The following PSMD11 variants were observed in gnomAD, a reference collection of about 807,000 sequenced individuals.
PSMD11 encodes proteasome 26S subunit, non-ATPase 11.
Under a neutral mutation model 62.3 loss-of-function variants are expected in PSMD11, and 5 were observed. That is an observed-to-expected ratio of 0.08 (90% CI 0.04 to 0.17). PSMD11 has a LOEUF of 0.17. PSMD11 is among the 10% of genes least tolerant of loss of function. The probability of loss-of-function intolerance (pLI) is 1.00; values close to 1 mark genes in which losing one functional copy is unlikely to be tolerated. For missense variants in PSMD11, 310 were observed against 512.9 expected (o/e 0.60, Z 3.82); for synonymous variants, 191 against 191.8 (o/e 1.00, Z 0.03).
intron 3 of PSMD11, among the ~76,000 whole-genome samples, chr17:32,457,462 C>G (rs1597833541): frequency 6.6e-6 from 1 of 152,090 alleles, no homozygotes; most frequent in African/African-American, 2.4e-5. Context: ...GTCTTAAACT[C>G]CTAGTCTCAA....
intron 7 of PSMD11, 89 bp from the exon 8 acceptor site, chr17:32,474,675 A>G (rs1043894489): frequency 1.2e-5 from 15 of 1,281,446 alleles, no homozygotes; most frequent in Middle Eastern, 1.8e-4. Context: ...CTTTATTACA[A>G]TGGAATTCTG....
intron 8 of PSMD11, chr17:32,476,918 C>A (rs1220875966): frequency 6.6e-6 from 1 of 152,278 alleles, no homozygotes; most frequent in Non-Finnish European, 1.5e-5. Context: ...GCGTCCACCA[C>A]TATGCCCGGC....
chr17:32,473,772 G>C, intron 6 of PSMD11, 29 bp from the exon 7 acceptor site: 1 of 1,610,030 alleles, frequency 6.2e-7, no homozygotes, highest in Non-Finnish European at 8.5e-7. Context: ...TATTTTATAT[G>C]TTCTTATTCC....
At chr17:32,480,279 A>G (rs575076795) in intron 12 of PSMD11, 82 bp downstream of exon 12, 52 of 1,554,114 alleles carry the variant, frequency 3.3e-5, no homozygotes, top group Middle Eastern at 3.4e-4. Flanking sequence ...AAGATGTTCT[A>G]TTTGTTTCCC....
In PSMD11 at chr17:32,482,773, T is replaced by G. The variant is rs890175086; in HGVS notation, c.*2021T>G. 2.0e-5 allele frequency: 3 copies of G among 152,310 alleles called. No individual in the cohort carries two copies. Among genetic ancestry groups the G allele is most frequent in the Admixed American group, 1.3e-4 (2 of 15,296 alleles). The allele number at this position is 152,310 out of a possible 1,614,324, so 9.4% of individuals were successfully genotyped here. A position where few individuals can be genotyped will look rare whatever the true frequency, so the allele number is the denominator to read the frequency against. Reference sequence around the variant, plus strand: ...CCTGACATGCAGTTGTGGTTTCGTTTCCTTTTGGAATCTTCAAAGGCAGCG... The same window carrying G: ...CCTGACATGCAGTTGTGGTTTCGTTGCCTTTTGGAATCTTCAAAGGCAGCG... On this transcript the variant is annotated 3_prime_UTR_variant, in exon 14 of 14. Transcript: ENST00000261712.
chr17:32,450,255 C>A (rs1001857578), intron 2 of PSMD11, among the ~76,000 whole-genome samples: 126 of 151,186 alleles, frequency 8.3e-4, no homozygotes, highest in African/African-American at 2.9e-3. Flanking sequence ...GCCACTGTGC[C>A]TGGCCTTTTT....
intron 2 of PSMD11, among the ~76,000 whole-genome samples, chr17:32,448,844 G>A (rs1404106080): frequency 2.6e-5 from 4 of 152,190 alleles, no homozygotes; most frequent in Non-Finnish European, 4.4e-5. Flanking sequence ...TTGAGCTCAT[G>A]TAGTCTTACT....
intron 8 of PSMD11, among the ~76,000 whole-genome samples, chr17:32,476,144 T>C (rs1908315152): frequency 1.3e-5 from 2 of 152,062 alleles, no homozygotes; most frequent in African/African-American, 2.4e-5. Flanking sequence ...CATTGGTGGC[T>C]GTAATCCCAG....
intron 8 of PSMD11, 83 bp from the exon 9 acceptor site, chr17:32,477,438 G>GACAC (rs1217812947): frequency 2.6e-6 from 3 of 1,172,884 alleles, no homozygotes; most frequent in Admixed American, 2.6e-5. Flanking sequence ...AAGTTGTGTG[G>GACAC]ACACAGCATA....
At chr17:32,479,165 G>A in intron 9 of PSMD11, 86 bp from the exon 10 acceptor site, 1 of 1,509,724 alleles carries the variant, frequency 6.6e-7, no homozygotes, top group Admixed American at 2.0e-5. Flanking sequence ...AGTTTTATAA[G>A]GGCCAGCAGA....
chr17:32,444,678 C>T (rs1380515758), intron 1 of PSMD11, 64 bp downstream of exon 1: 4 of 1,588,006 alleles, frequency 2.5e-6, no homozygotes, highest in Non-Finnish European at 3.4e-6. Flanking sequence ...CGGTCGGCGG[C>T]AGCGGAGAGG....
rs533769856 is a variant in PSMD11, at chr17:32,447,249, A to G, written c.193+203A>G. ...TAGTTTAGTTTTGCAAATGAGAGAC[A>G]ATCTTATTTTTGTTGGGATATAGTG... On this transcript the variant is annotated intron_variant, in intron 2 of 13. Coordinates refer to ENST00000261712, the MANE Select transcript of PSMD11 (RefSeq NM_002815.4). 2.7e-3 allele frequency: 1,334 copies of G among 491,502 alleles called. 7 individuals are homozygous for G. Among genetic ancestry groups the G allele is most frequent in the Non-Finnish European group, 2.9e-3 (814 of 279,822 alleles). The allele number at this position is 491,502 out of a possible 1,614,324, so 30.4% of individuals were successfully genotyped here.
At chr17:32,479,992 T>G (rs1346483333) in intron 11 of PSMD11, 106 bp downstream of exon 11, 6 of 1,499,370 alleles carry the variant, frequency 4.0e-6, no homozygotes, top group Non-Finnish European at 4.6e-6. Flanking sequence ...AGCTTCTCAG[T>G]GGGGAATGGG....
chr17:32,462,778 C>G (rs1028137235), intron 3 of PSMD11, among the ~76,000 whole-genome samples: 21 of 152,092 alleles, frequency 1.4e-4, no homozygotes, highest in African/African-American at 4.8e-4. Flanking sequence ...CCTCCACCTC[C>G]CAGGTTCAAG....
chr17:32,475,406 G>T (rs752563999), intron 8 of PSMD11, among the ~76,000 whole-genome samples: 2 of 151,586 alleles, frequency 1.3e-5, no homozygotes, highest in Non-Finnish European at 2.9e-5. Flanking sequence ...TAGGACCTAC[G>T]CAAAGATGAC....
chr17:32,465,475 C>T (rs1024579828), intron 5 of PSMD11, among the ~76,000 whole-genome samples: 9 of 151,986 alleles, frequency 5.9e-5, no homozygotes, highest in Non-Finnish European at 7.4e-5. Context: ...GAACATGGCT[C>T]TTATGATCTA....
At chr17:32,470,735 G>C (rs1033626855) in intron 6 of PSMD11, among the ~76,000 whole-genome samples, 2 of 152,106 alleles carry the variant, frequency 1.3e-5, no homozygotes, top group African/African-American at 4.8e-5. Context: ...ACATATTTTT[G>C]GGTCTGGCTT....
chr17:32,444,714 G>A, intron 1 of PSMD11, 100 bp downstream of exon 1: 1 of 1,453,626 alleles, frequency 6.9e-7, no homozygotes, highest in Non-Finnish European at 9.4e-7. Flanking sequence ...CTCTGATGCT[G>A]CTGACTCACT....
intron 8 of PSMD11, 103 bp from the exon 9 acceptor site, chr17:32,477,418 C>A: frequency 1.0e-6 from 1 of 989,294 alleles, no homozygotes; most frequent in South Asian, 2.5e-5. Flanking sequence ...CGGGTTCTTC[C>A]TTTTGGCAGA....
Sources: allele counts gnomAD v4.1 joint callset (sites outside exome capture counted in the v4.1 genomes callset), GRCh38; gene constraint gnomAD v4.1.1; transcripts MANE v1.5; gene names NCBI Gene and HGNC (gene_info 2026-07-23, HGNC 2026-07-21).